PKNOX2: variants seen among roughly 807,000 people sequenced by gnomAD.
The protein encoded by PKNOX2 is homeobox protein PKNOX2.
A neutral mutation model predicts 53.1 loss-of-function variants in PKNOX2; 14 were observed. The observed-to-expected ratio is 0.26, with a 90% CI of 0.17 to 0.41. PKNOX2 has a LOEUF of 0.41. PKNOX2 is among the 10% of genes least tolerant of loss of function. The probability of loss-of-function intolerance (pLI) is 1.00; values close to 1 mark genes in which losing one functional copy is unlikely to be tolerated. For missense variants in PKNOX2, 496 were observed against 602.8 expected (o/e 0.82, Z 1.85); for synonymous variants, 257 against 242.8 (o/e 1.06, Z -0.54).
intron 4 of PKNOX2, among the ~76,000 whole-genome samples, chr11:125,363,382 A>G (rs1335660440): frequency 6.6e-6 from 1 of 152,200 alleles, no homozygotes; most frequent in African/African-American, 2.4e-5. Context: ...CATTTTACAG[A>G]TTAGGAATCC....
intron 7 of PKNOX2, among the ~76,000 whole-genome samples, chr11:125,408,900 G>A (rs1163364187): frequency 2.0e-5 from 3 of 152,146 alleles, no homozygotes; most frequent in African/African-American, 7.2e-5. Flanking sequence ...AACAAAAACC[G>A]GGAAGCTGGG....
intron 4 of PKNOX2, among the ~76,000 whole-genome samples, chr11:125,365,550 G>A (rs1417806838): frequency 2.0e-5 from 3 of 152,164 alleles, no homozygotes; most frequent in African/African-American, 7.2e-5. Context: ...GCCAAAATCT[G>A]TAAAGATCTT....
At chr11:125,423,893 G>A (rs1487203973) in intron 10 of PKNOX2, among the ~76,000 whole-genome samples, 1 of 152,192 alleles carries the variant, frequency 6.6e-6, no homozygotes, top group Non-Finnish European at 1.5e-5. Flanking sequence ...GGAAGGTGAA[G>A]AATGGGACAG....
At chr11:125,359,413 T>C (rs1565505913) in intron 4 of PKNOX2, among the ~76,000 whole-genome samples, 1 of 152,092 alleles carries the variant, frequency 6.6e-6, no homozygotes, top group Non-Finnish European at 1.5e-5. Context: ...TGCTGGGCCT[T>C]TCTTCTCTTT....
In PKNOX2 at chr11:125,355,290, A is replaced by G. The variant is rs535693676; in HGVS notation, c.87+3898A>G. Among the ~76,000 whole-genome samples the G allele has an allele frequency of 1.4e-4, 19 of 136,580 alleles. 1 individual carries two copies. The highest frequency in any genetic ancestry group is 5.2e-4 in the South Asian group (2 of 3,836). 89.6% of individuals were successfully genotyped at this position (136,580 alleles called of 152,430 possible). A position where few individuals can be genotyped will look rare whatever the true frequency, so the allele number is the denominator to read the frequency against. On this transcript the variant is annotated intron_variant, in intron 4 of 12. Transcript: ENST00000298282. ...TCAAAAAAAAAAGAAAAAAAAAAAA[A>G]AAAGAAAGAAAGAAAGTGCAAAAGC... is the stretch of plus-strand genomic sequence containing the variant.
chr11:125,199,618 T>A (rs1938200527), intron 1 of PKNOX2, among the ~76,000 whole-genome samples: 1 of 152,126 alleles, frequency 6.6e-6, no homozygotes, highest in Non-Finnish European at 1.5e-5. Context: ...CCAAGGCCGG[T>A]GGATCACTTG....
At chr11:125,387,707 G>A (rs1197042060) in intron 6 of PKNOX2, among the ~76,000 whole-genome samples, 1 of 152,200 alleles carries the variant, frequency 6.6e-6, no homozygotes, top group Non-Finnish European at 1.5e-5. Flanking sequence ...TCCATCTCAG[G>A]CACTGGGCTG....
intron 1 of PKNOX2, among the ~76,000 whole-genome samples, chr11:125,206,191 G>A (rs936187980): frequency 2.6e-5 from 4 of 151,956 alleles, no homozygotes; most frequent in Non-Finnish European, 4.4e-5. Context: ...AGTGGGCGGT[G>A]GGGGGGAGAA....
chr11:125,429,811 A>G lies in PKNOX2; in HGVS notation c.1014-152A>G, dbSNP rs2135701723. On this transcript the variant is annotated intron_variant, in intron 11 of 12. Transcript: ENST00000298282. ...AAATTTCATGAACTTCTCAGCACCC[A>G]GGGCCCTCCTCCTTGCTGGGCTTTT... 13 of 855,948 alleles carry G rather than the reference A, an allele frequency of 1.5e-5. No individual in the cohort carries two copies. In the South Asian group the frequency reaches 2.0e-4, roughly 13 times the overall value. 53.0% of individuals were successfully genotyped at this position (855,948 alleles called of 1,614,324 possible). A position where few individuals can be genotyped will look rare whatever the true frequency, so the allele number is the denominator to read the frequency against.
intron 3 of PKNOX2, among the ~76,000 whole-genome samples, chr11:125,349,473 G>A (rs888554200): frequency 1.3e-5 from 2 of 152,346 alleles, no homozygotes; most frequent in East Asian, 1.9e-4. Context: ...CTGGTAGTCC[G>A]TCTTCTGAAG....
intron 10 of PKNOX2, among the ~76,000 whole-genome samples, chr11:125,412,703 G>C (rs146168250): frequency 1.4e-4 from 21 of 152,268 alleles, no homozygotes; most frequent in African/African-American, 5.1e-4. Flanking sequence ...CCATTAGTCT[G>C]CGAGCTCCTG....
chr11:125,193,895 C>T (rs1957022541), intron 1 of PKNOX2, among the ~76,000 whole-genome samples: 1 of 152,188 alleles, frequency 6.6e-6, no homozygotes, highest in Admixed American at 6.5e-5. Flanking sequence ...GCCTCAGTTT[C>T]CCCATTTTCA....
At chr11:125,216,934 C>T (rs1591484035) in intron 1 of PKNOX2, among the ~76,000 whole-genome samples, 1 of 152,070 alleles carries the variant, frequency 6.6e-6, no homozygotes, top group African/African-American at 2.4e-5. Flanking sequence ...TGTTCAGGCT[C>T]GGTGTGGCCA....
At chr11:125,195,293 G>A (rs975994502) in intron 1 of PKNOX2, among the ~76,000 whole-genome samples, 3 of 152,202 alleles carry the variant, frequency 2.0e-5, no homozygotes, top group Admixed American at 2.0e-4. Flanking sequence ...TCTTTCTGTT[G>A]TGCCTTTATC....
chr11:125,395,212 C>T (rs1475680428), intron 6 of PKNOX2, among the ~76,000 whole-genome samples: 1 of 152,148 alleles, frequency 6.6e-6, no homozygotes, highest in Non-Finnish European at 1.5e-5. Flanking sequence ...CAGGAAAATT[C>T]CCTTGCAATC....
chr11:125,303,202 C>A (rs1490137264), intron 2 of PKNOX2, among the ~76,000 whole-genome samples: 7 of 152,370 alleles, frequency 4.6e-5, no homozygotes, highest in Middle Eastern at 3.4e-3. Flanking sequence ...AAATCTCATA[C>A]TTTTGAATTT....
chr11:125,262,790 C>A (rs1428591501), intron 2 of PKNOX2, among the ~76,000 whole-genome samples: 3 of 152,098 alleles, frequency 2.0e-5, no homozygotes, highest in African/African-American at 7.2e-5. Flanking sequence ...CTTTCTCTAA[C>A]TTTCTCTGCT....
intron 2 of PKNOX2, among the ~76,000 whole-genome samples, chr11:125,262,653 T>C (rs768052342): frequency 1.8e-4 from 27 of 151,166 alleles, no homozygotes; most frequent in Non-Finnish European, 3.3e-4. Context: ...AGGCTTTGTC[T>C]GTGCAATCCT....
intron 7 of PKNOX2, among the ~76,000 whole-genome samples, chr11:125,406,841 C>G (rs1020687468): frequency 2.3e-5 from 3 of 131,456 alleles, no homozygotes; most frequent in Non-Finnish European, 4.7e-5. Flanking sequence ...GGGACCATCA[C>G]AAGGAAGTTT....
Sources: gnomAD v4.1 joint callset for allele counts (sites outside exome capture counted in the v4.1 genomes callset) on GRCh38, gnomAD v4.1.1 for gene constraint, MANE v1.5 for transcripts, NCBI Gene and HGNC (gene_info 2026-07-23, HGNC 2026-07-21) for gene names.